Variants in TENM2 observed in about 807,000 individuals in gnomAD.
The protein encoded by TENM2 is teneurin transmembrane protein 2.
A neutral mutation model predicts 245.2 loss-of-function variants in TENM2; 52 were observed. The observed-to-expected ratio is 0.21, with a 90% CI of 0.17 to 0.27. TENM2 has a LOEUF of 0.27. Among genes scored for constraint, TENM2 ranks in the 10% least tolerant of loss-of-function variants. The pLI is 1.00. For missense variants in TENM2, 3,046 were observed against 3,666.8 expected, an observed-to-expected ratio of 0.83 and a Z score of 4.37; for synonymous variants, 1,363 against 1,438.9, an observed-to-expected ratio of 0.95 and a Z score of 1.19.
chr5:167,823,926 A>T (rs1767747740), intron 2 of TENM2, among the ~76,000 whole-genome samples: 1 of 152,058 alleles, frequency 6.6e-6, no homozygotes, highest in East Asian at 1.9e-4. Context: ...CTCACACCCT[A>T]CTCTCAGGGC....
chr5:168,006,283 G>A (rs1784811442), intron 5 of TENM2, among the ~76,000 whole-genome samples: 1 of 152,190 alleles, frequency 6.6e-6, no homozygotes, highest in Admixed American at 6.5e-5. Context: ...CCCTAAAGCT[G>A]AATGGGAAGA....
chr5:167,590,352 C>G (rs572761151), intron 2 of TENM2, among the ~76,000 whole-genome samples: 1 of 151,806 alleles, frequency 6.6e-6, no homozygotes, highest in Non-Finnish European at 1.5e-5. Context: ...TCAATAAATG[C>G]GTACTATATT....
chr5:167,340,988 TCCCTCTTGGTTTGCAGA>T (rs569464142), intron 1 of TENM2, among the ~76,000 whole-genome samples: 13 of 152,274 alleles, frequency 8.5e-5, no homozygotes, highest in African/African-American at 3.1e-4. Flanking sequence ...TCTCCTCCCG[TCCCTCTTGGTTTGCAGA>T]CCCTCTTGGT....
At chr5:167,727,264 C>T (rs907480957) in intron 2 of TENM2, among the ~76,000 whole-genome samples, 5 of 151,988 alleles carry the variant, frequency 3.3e-5, no homozygotes, top group African/African-American at 1.2e-4. Flanking sequence ...TGCCCGCCAC[C>T]ACGCCCGGCT....
At chr5:167,760,871 G>A (rs544102518) in intron 2 of TENM2, among the ~76,000 whole-genome samples, 4 of 152,148 alleles carry the variant, frequency 2.6e-5, no homozygotes, top group South Asian at 4.2e-4. Flanking sequence ...GGCTGGTCTC[G>A]AACTCCTGAC....
rs538388048 is a variant in TENM2 at position 167,900,434 on chromosome 5, C to G, written c.712+24239C>G. On this transcript the variant is annotated intron_variant, in intron 3 of 28. Transcript: ENST00000518659. ...AGGCAAGAGAAGAAACTTTTCCAGG[C>G]TTGGCATGAGGACCTCTCTGTTTGT... Among the ~76,000 whole-genome samples the G allele has an allele frequency of 1.6e-4, 24 of 152,218 alleles. No homozygotes were observed. In the South Asian group the frequency reaches 5.0e-3, roughly 32 times the overall value.
At chr5:167,439,893 A>G (rs1309597388) in intron 2 of TENM2, among the ~76,000 whole-genome samples, 3 of 152,184 alleles carry the variant, frequency 2.0e-5, no homozygotes, top group Non-Finnish European at 2.9e-5. Context: ...CCACATTTTA[A>G]AAGATATAAT....
intron 2 of TENM2, among the ~76,000 whole-genome samples, chr5:167,847,872 G>A (rs188568458): frequency 1.4e-4 from 21 of 152,006 alleles, no homozygotes; most frequent in Admixed American, 2.6e-4. Context: ...ATTTGCTTCC[G>A]TTCAGTCATA....
intron 2 of TENM2, among the ~76,000 whole-genome samples, chr5:167,542,985 C>T (rs1377215130): frequency 1.3e-5 from 2 of 152,120 alleles, no homozygotes; most frequent in Non-Finnish European, 2.9e-5. Context: ...GGTTGGTTCT[C>T]AACGTGTAAT....
At chr5:168,259,800 G>A (rs1173003443) in intron 27 of TENM2, among the ~76,000 whole-genome samples, 2 of 152,230 alleles carry the variant, frequency 1.3e-5, no homozygotes, top group Admixed American at 6.5e-5. Context: ...TGCGTGGCCT[G>A]TGATAGATGC....
intron 6 of TENM2, among the ~76,000 whole-genome samples, chr5:168,055,051 G>T (rs2152069432): frequency 6.6e-6 from 1 of 152,242 alleles, no homozygotes; most frequent in Non-Finnish European, 1.5e-5. Context: ...ATGCCAGGGT[G>T]CCAGGCCTAG....
chr5:167,811,948 G>C (rs1412654613), intron 2 of TENM2, among the ~76,000 whole-genome samples: 1 of 152,166 alleles, frequency 6.6e-6, no homozygotes, highest in Non-Finnish European at 1.5e-5. Flanking sequence ...ATAAAGGTCA[G>C]ACTATTATGC....
intron 25 of TENM2, among the ~76,000 whole-genome samples, chr5:168,236,971 TATATATATATATATATATATATATATA>T (rs1562318893): frequency 0.046 from 367 of 7,994 alleles, 42 homozygotes; most frequent in Non-Finnish European, 0.066. Flanking sequence ...TATATATATA[TATATATATATATATATATATATATATA>T]TATTTTTTTT....
chr5:167,883,185 A>G (rs79947379), intron 3 of TENM2, among the ~76,000 whole-genome samples: 6,831 of 152,296 alleles, frequency 0.045, 389 homozygotes, highest in African/African-American at 0.13. Flanking sequence ...AGCTCCACCA[A>G]CACAAACCTG....
intron 2 of TENM2, among the ~76,000 whole-genome samples, chr5:167,751,415 G>A (rs915607618): frequency 2.0e-5 from 3 of 152,202 alleles, no homozygotes; most frequent in African/African-American, 7.2e-5. Context: ...GCAGAGGATA[G>A]CATGATAATT....
intron 7 of TENM2, among the ~76,000 whole-genome samples, chr5:168,084,036 A>G (rs1412300895): frequency 3.3e-5 from 5 of 152,162 alleles, no homozygotes; most frequent in Non-Finnish European, 7.3e-5. Flanking sequence ...TTCTGTTCCT[A>G]TATTTATTTC....
the TENM2 span, among the ~76,000 whole-genome samples, chr5:167,261,054 C>T: frequency 1.9e-4 from 29 of 152,106 alleles, no homozygotes; most frequent in Non-Finnish European, 4.1e-4. Context: ...AAAGTATGGT[C>T]CCAGGACCAG....
chr5:167,313,780 C>A (rs1392431519), intron 1 of TENM2, among the ~76,000 whole-genome samples: 1 of 152,090 alleles, frequency 6.6e-6, no homozygotes, highest in Non-Finnish European at 1.5e-5. Context: ...CTTGGTAGAT[C>A]CTTGAATATA....
At chr5:167,787,827 G>C (rs1378984522) in intron 2 of TENM2, among the ~76,000 whole-genome samples, 2 of 152,174 alleles carry the variant, frequency 1.3e-5, no homozygotes, top group African/African-American at 2.4e-5. Flanking sequence ...AGGAAAACTA[G>C]AGGATTGTTG....
Sources: gnomAD v4.1 joint callset for allele counts (sites outside exome capture counted in the v4.1 genomes callset) on GRCh38, gnomAD v4.1.1 for gene constraint, MANE v1.5 for transcripts, NCBI Gene and HGNC (gene_info 2026-07-23, HGNC 2026-07-21) for gene names.